Variants in CTNNA2 observed in about 807,000 individuals in gnomAD.
The protein encoded by CTNNA2 is catenin alpha 2.
In CTNNA2, 42 loss-of-function variants were observed where a neutral mutation model predicts 101.0. The observed-to-expected ratio is 0.42, with a 90% confidence interval of 0.32 to 0.54. The LOEUF is 0.54. Ranked by LOEUF, CTNNA2 falls within the 20% of genes least tolerant of loss-of-function variation. The pLI is 0.14. For missense variants in CTNNA2, 871 were observed against 1,223.1 expected (o/e 0.71, Z 4.29); for synonymous variants, 450 against 456.4 (o/e 0.99, Z 0.18).
intron 9 of CTNNA2, among the ~76,000 whole-genome samples, chr2:80,532,354 C>T (rs1690617511): frequency 6.6e-6 from 1 of 152,162 alleles, no homozygotes; most frequent in African/African-American, 2.4e-5. Context: ...TCCATCCACC[C>T]TGAATGTCAA....
At chr2:80,027,615 G>T (rs1042765843) in intron 7 of CTNNA2, among the ~76,000 whole-genome samples, 1 of 152,092 alleles carries the variant, frequency 6.6e-6, no homozygotes, top group Non-Finnish European at 1.5e-5. Context: ...GAAGAAGTAG[G>T]AGCAGACTGG....
intron 4 of CTNNA2, among the ~76,000 whole-genome samples, chr2:79,376,611 A>G (rs1677978885): frequency 6.6e-6 from 1 of 151,928 alleles, no homozygotes; most frequent in Non-Finnish European, 1.5e-5. Flanking sequence ...CATTAGGTAT[A>G]TCTCCTAATG....
rs1330380548 is a variant in CTNNA2 at position 79,774,315 on chromosome 2, A to G, written c.298+29733A>G. 2.6e-5 allele frequency among the ~76,000 whole-genome samples: 4 copies of G among 152,202 alleles called. No individual in the cohort carries two copies. The East Asian group carries it at 5.8e-4, about 22-fold the overall frequency. The stretch of plus-strand genomic sequence containing the variant: ...CTAATTGCTAAATGGGAATGTGGCC[A>G]TTTGAACCTTCTAGCCTAGCTGACC... On this transcript the variant is annotated intron_variant, in intron 3 of 18. Transcript: ENST00000402739.
At chr2:79,387,674 G>A (rs6720734) in intron 4 of CTNNA2, among the ~76,000 whole-genome samples, 4,873 of 152,266 alleles carry the variant, frequency 0.032, 191 homozygotes, top group East Asian at 0.14. Flanking sequence ...CTGACTGCTG[G>A]TGCTAAATGT....
At chr2:79,598,034 C>A (rs1333162209) in intron 1 of CTNNA2, among the ~76,000 whole-genome samples, 1 of 152,186 alleles carries the variant, frequency 6.6e-6, no homozygotes, top group Non-Finnish European at 1.5e-5. Context: ...GAATGTCATA[C>A]AGTTAAACTT....
intron 4 of CTNNA2, among the ~76,000 whole-genome samples, chr2:79,410,474 C>T (rs983810785): frequency 5.9e-5 from 9 of 151,976 alleles, no homozygotes; most frequent in Non-Finnish European, 1.2e-4. Context: ...GAGATTTGTC[C>T]CATCAATACC....
At chr2:79,333,931 G>C (rs1408322270) in intron 3 of CTNNA2, among the ~76,000 whole-genome samples, 2 of 151,904 alleles carry the variant, frequency 1.3e-5, no homozygotes, top group Non-Finnish European at 2.9e-5. Context: ...GTGTGGTTTT[G>C]TTGCTTTTGT....
chr2:79,209,262 C>T (rs1674139511), intron 2 of CTNNA2, among the ~76,000 whole-genome samples: 1 of 152,126 alleles, frequency 6.6e-6, no homozygotes, highest in Middle Eastern at 3.2e-3. Flanking sequence ...CTATTTGGCC[C>T]ATCCTTCTTG....
intron 7 of CTNNA2, among the ~76,000 whole-genome samples, chr2:80,126,102 GCT>G (rs1702093664): frequency 2.6e-5 from 4 of 152,082 alleles, no homozygotes; most frequent in African/African-American, 2.4e-5. Context: ...GTAGAGTTGT[GCT>G]GTTTCTGCTC....
intron 6 of CTNNA2, among the ~76,000 whole-genome samples, chr2:79,902,618 T>A (rs2104286812): frequency 6.6e-6 from 1 of 151,142 alleles, no homozygotes; most frequent in Admixed American, 6.6e-5. Context: ...AGCAAATGTT[T>A]TCTTCCTCTT....
intron 3 of CTNNA2, among the ~76,000 whole-genome samples, chr2:79,764,642 G>C (rs141827021): frequency 9.9e-4 from 150 of 152,222 alleles, no homozygotes; most frequent in African/African-American, 3.5e-3. Context: ...AAGCCTTGTT[G>C]GTTCTCCAAA....
intron 2 of CTNNA2, among the ~76,000 whole-genome samples, chr2:79,309,987 A>T (rs1455282788): frequency 6.6e-6 from 1 of 152,144 alleles, no homozygotes; most frequent in East Asian, 1.9e-4. Context: ...CATAAATGCT[A>T]TCTTCTTTTA....
At chr2:80,192,647 C>G (rs940332789) in intron 7 of CTNNA2, among the ~76,000 whole-genome samples, 1 of 152,124 alleles carries the variant, frequency 6.6e-6, no homozygotes, top group African/African-American at 2.4e-5. Context: ...CTGCCTCAGC[C>G]TCCCGAGTAG....
At chr2:80,312,372 G>A (rs1305102961) in intron 7 of CTNNA2, among the ~76,000 whole-genome samples, 2 of 152,172 alleles carry the variant, frequency 1.3e-5, no homozygotes, top group African/African-American at 4.8e-5. Flanking sequence ...AGTTGGTGGG[G>A]ACAACGGTTA....
chr2:80,075,566 TTATAAAA>T (rs796678176), intron 7 of CTNNA2, among the ~76,000 whole-genome samples: 1 of 133,812 alleles, frequency 7.5e-6, no homozygotes, highest in African/African-American at 2.9e-5. Context: ...TGTATAAATA[TTATAAAA>T]TAATATTTAT....
In CTNNA2 at chr2:79,469,764, A is replaced by G. The variant is rs566530967; in HGVS notation, c.-134-35290A>G. Among the ~76,000 whole-genome samples, 273 of 152,326 alleles carry G rather than the reference A, an allele frequency of 1.8e-3. 1 individual carries two copies. The highest frequency in any genetic ancestry group is 7.7e-3 in the Admixed American group (117 of 15,290). On this transcript the variant is annotated intron_variant, in intron 4 of 21. Coordinates refer to the CTNNA2 transcript ENST00000466387. ...AAACATAATCCGGCATATAAACAGAACCAAAGACAAAAACCACATGATTAT... is the reference window on the plus strand; with the variant it reads ...AAACATAATCCGGCATATAAACAGAGCCAAAGACAAAAACCACATGATTAT...
intron 2 of CTNNA2, among the ~76,000 whole-genome samples, chr2:79,299,018 CATT>C (rs2104388610): frequency 6.6e-6 from 1 of 152,306 alleles, no homozygotes; most frequent in African/African-American, 2.4e-5. Flanking sequence ...AATTTATCAT[CATT>C]AAGTATTCTC....
intron 4 of CTNNA2, among the ~76,000 whole-genome samples, chr2:79,431,799 C>T (rs1353885780): frequency 6.6e-6 from 1 of 152,148 alleles, no homozygotes; most frequent in Non-Finnish European, 1.5e-5. Flanking sequence ...AAAAGTCAGG[C>T]TTTTCGGTGA....
At chr2:80,592,016 T>C (rs1267811249) in intron 15 of CTNNA2, among the ~76,000 whole-genome samples, 2 of 152,154 alleles carry the variant, frequency 1.3e-5, no homozygotes, top group Non-Finnish European at 2.9e-5. Context: ...AAATCGCATG[T>C]TGCTAGTCTT....
Sources: gnomAD v4.1 joint callset for allele counts (sites outside exome capture counted in the v4.1 genomes callset) on GRCh38, gnomAD v4.1.1 for gene constraint, MANE v1.5 for transcripts, NCBI Gene and HGNC (gene_info 2026-07-23, HGNC 2026-07-21) for gene names.